TMC4: variants seen among roughly 807,000 people sequenced by gnomAD.
The protein encoded by TMC4 is voltage-gated chloride channel TMC4.
A neutral mutation model predicts 82.0 loss-of-function variants in TMC4; 70 were observed. That is an observed-to-expected ratio of 0.85 (90% CI 0.70 to 1.04). The LOEUF is 1.04. Among genes scored for constraint, TMC4 ranks in the 50% least tolerant of loss-of-function variants. The probability of loss-of-function intolerance (pLI) is 0.00; values close to 1 mark genes in which losing one functional copy is unlikely to be tolerated. For missense variants in TMC4, 879 were observed against 899.0 expected (o/e 0.98, Z 0.28); for synonymous variants, 446 against 406.0 (o/e 1.10, Z -1.18).
intron 5 of TMC4, among the ~76,000 whole-genome samples, chr19:54,166,789 A>G (rs2075716077): frequency 6.6e-6 from 1 of 151,986 alleles, no homozygotes; most frequent in African/African-American, 2.4e-5. Flanking sequence ...CCCCATTTCT[A>G]CTAAAAATAC....
At chr19:54,166,881 C>T (rs1016785196) in intron 5 of TMC4, among the ~76,000 whole-genome samples, 33 of 151,582 alleles carry the variant, frequency 2.2e-4, no homozygotes, top group Non-Finnish European at 2.7e-4. Context: ...TGAACCCGGG[C>T]GGCGGAGGTT....
In TMC4 at chr19:54,163,158, TC is replaced by T; in HGVS notation, c.1278del (p.Thr427ProfsTer61). ...RSRQIVFILL[R>X]TVFLRLASLV... ...AGGGAGGCGAGGCGAAGAAACACGG[TC>T]CTGAAGGGGGGAAGGCAGAGAATGG... is the stretch of plus-strand genomic sequence containing the variant. On this transcript the variant is annotated frameshift_variant and splice_region_variant, in exon 9 of 15. Coordinates refer to ENST00000619895, the MANE Select transcript of TMC4 (RefSeq NM_144686.4). LOFTEE classifies it high-confidence loss of function. 1 of 1,613,572 alleles carries T rather than the reference TC, an allele frequency of 6.2e-7. No individual in the cohort carries two copies. Among genetic ancestry groups the T allele is most frequent in the Non-Finnish European group, 8.5e-7 (1 of 1,179,922 alleles).
intron 1 of TMC4, 36 bp from the exon 2 acceptor site, chr19:54,172,119 T>G (rs375401080): frequency 5.6e-4 from 829 of 1,485,202 alleles, no homozygotes; most frequent in Non-Finnish European, 7.2e-4. Context: ...GACCCGGGAG[T>G]CTGGGCCCTA....
chr19:54,162,254 C>A lies in TMC4; in HGVS notation c.1534G>T (p.Gly512Cys). ...LLCGLCPGAL[G>C]RLAGTQEFQV... ...AACTCTTGGGTCCCCGCCAGACGAC[C>A]CAGCGCCCCAGGACAGAGGCCACAG... is the stretch of plus-strand genomic sequence containing the variant. The change falls in exon 11 of 15, where the codon GGT becomes TGT. Residue 512 changes from glycine to cysteine, a missense_variant. Physicochemically the swap from Gly to Cys is radical, Grantham distance 159. Coordinates refer to ENST00000619895, the MANE Select transcript of TMC4 (RefSeq NM_144686.4). The A allele has an allele frequency of 1.9e-6, 3 of 1,604,930 alleles. No homozygotes were observed. The highest frequency in any genetic ancestry group is 2.6e-6 in the Non-Finnish European group (3 of 1,176,434).
In TMC4 at chr19:54,162,723, A is replaced by T. The variant is rs1036483376; in HGVS notation, c.1452T>A (p.Phe484Leu). Residue 484 changes from phenylalanine to leucine, a missense_variant, in exon 10 of 15, where the codon TTT becomes TTA. Coordinates refer to ENST00000619895, the MANE Select transcript of TMC4 (RefSeq NM_144686.4). ...CGACTGCCAAGACAGTCAGCAGATC[A>T]AAGAGCAGAAGTTTGTACATTTCCT... is the stretch of plus-strand genomic sequence containing the variant. ...LGQEMYKLLLFDLLTVLAVAL... is the reference protein window; with the variant it reads ...LGQEMYKLLLLDLLTVLAVAL... The T allele has an allele frequency of 1.2e-6, 2 of 1,614,030 alleles. No homozygotes were observed. The highest frequency in any genetic ancestry group is 2.7e-5 in the African/African-American group (2 of 74,910).
intron 13 of TMC4, 89 bp from the exon 14 acceptor site, chr19:54,160,634 C>G: frequency 6.3e-7 from 1 of 1,584,128 alleles, no homozygotes; most frequent in Non-Finnish European, 8.6e-7. Context: ...GATGTGGACG[C>G]CTAAGCCCCT....
chr19:54,163,074 C>T lies in TMC4; in HGVS notation c.1363G>A (p.Glu455Lys), dbSNP rs1471914414. Residue 455 changes from glutamate to lysine, a missense_variant, in exon 9 of 15, where the codon GAG becomes AAG. Glu to Lys is a moderately conservative substitution (Grantham distance 56). Transcript: ENST00000619895. ...QITCGGDSEA[E>K]DCKTCGYNYK... ...TTGTAGCCACAGGTTTTGCAGTCCT[C>T]AGCCTCGGAGTCGCCCCCACAAGTG... The T allele has an allele frequency of 6.2e-7, 1 of 1,614,122 alleles. No homozygotes were observed.
At position 54,164,572 on chromosome 19, in the gene TMC4, G is replaced by C; in HGVS notation, c.975C>G (p.Arg325=). ...KVELEETVVR[R]QAAVRTLGQQ... ...GGCCCAGCGTCCGCACCGCAGCCTG[G>C]CGCCGCACCACTGTCTCCTCCAGCT... Residue 325 remains arginine, a synonymous_variant, in exon 7 of 15, where the codon CGC becomes CGG. Coordinates refer to ENST00000619895, the MANE Select transcript of TMC4 (RefSeq NM_144686.4). The C allele has an allele frequency of 6.2e-7, 1 of 1,613,610 alleles. No individual in the cohort carries two copies.
Position 54,168,807 on chromosome 19 carries a change from C to CTTTTCTTTT in TMC4, c.443-136_443-128dup, listed in dbSNP as rs1568743718. 3 of 34,482 alleles carry CTTTTCTTTT rather than the reference C, an allele frequency of 8.7e-5. 1 individual carries two copies. Among genetic ancestry groups the CTTTTCTTTT allele is most frequent in the African/African-American group, 9.9e-4 (2 of 2,024 alleles). 2.1% of individuals were successfully genotyped at this position (34,482 alleles called of 1,614,324 possible). The stretch of plus-strand genomic sequence containing the variant: ...TCTTTTCTTTTCTTTCTTTTCTTTT[C>CTTTTCTTTT]TTTTCTTTTCTTTTCTTTTCTTTTC... On this transcript the variant is annotated intron_variant, in intron 3 of 14. Transcript: ENST00000619895.
intron 2 of TMC4, among the ~76,000 whole-genome samples, chr19:54,170,750 A>G (rs1568753546): frequency 6.6e-6 from 1 of 152,080 alleles, no homozygotes; most frequent in Non-Finnish European, 1.5e-5. Context: ...CTCCCGCCTC[A>G]GCCTCCCAAA....
At chr19:54,166,508 C>A (rs187655520) in intron 5 of TMC4, among the ~76,000 whole-genome samples, 207 of 152,286 alleles carry the variant, frequency 1.4e-3, no homozygotes, top group African/African-American at 4.7e-3. Flanking sequence ...ATGTGAACAA[C>A]CACAGAGGGC....
chr19:54,171,177 T>C (rs1215169114), intron 2 of TMC4, among the ~76,000 whole-genome samples: 3 of 88,334 alleles, frequency 3.4e-5, no homozygotes, highest in East Asian at 3.9e-4. Context: ...GGCACGATCT[T>C]GGCTCACTGC....
At position 54,162,723 on chromosome 19, in the gene TMC4, A is replaced by G. The variant is rs1036483376; in HGVS notation, c.1452T>C (p.Phe484=). ...LGQEMYKLLL[F]DLLTVLAVAL... ...CGACTGCCAAGACAGTCAGCAGATC[A>G]AAGAGCAGAAGTTTGTACATTTCCT... Residue 484 remains phenylalanine, a synonymous_variant, in exon 10 of 15, where the codon TTT becomes TTC. Transcript: ENST00000619895. 1.9e-6 allele frequency: 3 copies of G among 1,614,148 alleles called. 1 individual carries two copies. The South Asian group carries it at 3.3e-5, about 18-fold the overall frequency.
At chr19:54,172,533 C>G (rs1173485697) in intron 1 of TMC4, among the ~76,000 whole-genome samples, 1 of 151,142 alleles carries the variant, frequency 6.6e-6, no homozygotes, top group African/African-American at 2.4e-5. Context: ...GTCCAGGCCC[C>G]CGGCTCCTCC....
intron 10 of TMC4, 76 bp from the exon 11 acceptor site, chr19:54,162,361 C>A (rs553889804): frequency 1.8e-6 from 2 of 1,103,056 alleles, no homozygotes; most frequent in East Asian, 2.9e-5. Flanking sequence ...CCGCCCCGCC[C>A]GCCAATAGGA....
At chr19:54,163,005 G>A in intron 9 of TMC4, 28 bp downstream of exon 9, 2 of 1,614,084 alleles carry the variant, frequency 1.2e-6, no homozygotes, top group Non-Finnish European at 1.7e-6. Flanking sequence ...GGACCCAAGA[G>A]TCCCACGCAC....
At chr19:54,172,195 G>A (rs561473706) in intron 1 of TMC4, 112 bp from the exon 2 acceptor site, 11 of 839,602 alleles carry the variant, frequency 1.3e-5, no homozygotes, top group Middle Eastern at 3.7e-4. Context: ...CAGGAGTCCA[G>A]GCCCCCGGCT....
rs751160737 is a variant in TMC4 at position 54,162,322 on chromosome 19, A to C, written c.1503-37T>G. The C allele has an allele frequency of 2.3e-5, 24 of 1,054,826 alleles. No individual in the cohort carries two copies. The East Asian group carries it at 1.5e-3, about 65-fold the overall frequency. The allele number at this position is 1,054,826 out of a possible 1,614,324, so 65.3% of individuals were successfully genotyped here. ...GGCGGGGCCGGGCCGGAGTCAGGGGAGTGGCGGCCTGGAGTTTCCACGCCT... is the reference window on the plus strand; with the variant it reads ...GGCGGGGCCGGGCCGGAGTCAGGGGCGTGGCGGCCTGGAGTTTCCACGCCT... On this transcript the variant is annotated intron_variant, in intron 10 of 14. Transcript: ENST00000619895.
chr19:54,164,751 C>T, intron 6 of TMC4, 150 bp from the exon 7 acceptor site: 3 of 1,076,010 alleles, frequency 2.8e-6, no homozygotes, highest in South Asian at 1.5e-5. Flanking sequence ...CCTGGTTCCA[C>T]CTGCTCCAGG....
Sources: allele counts gnomAD v4.1 joint callset (sites outside exome capture counted in the v4.1 genomes callset), GRCh38; gene constraint gnomAD v4.1.1; transcripts MANE v1.5; gene names NCBI Gene and HGNC (gene_info 2026-07-23, HGNC 2026-07-21).